The following WWOX variants were observed in gnomAD, a reference collection of about 807,000 sequenced individuals.
WWOX encodes the protein WW domain containing oxidoreductase.
Under a neutral mutation model 46.2 loss-of-function variants are expected in WWOX, and 69 were observed. The observed-to-expected ratio is 1.49, with a 90% CI of 1.23 to 1.82. The LOEUF (loss-of-function observed/expected upper bound fraction) is 1.82. Ranked by LOEUF, WWOX falls within the 40% of genes most tolerant of loss-of-function variation. WWOX has a pLI of 0.00. For synonymous variants in WWOX, 359 were observed against 202.6 expected (o/e 1.77, Z -6.56); for missense variants, 919 against 542.6 (o/e 1.69, Z -6.89).
chr16:78,542,018 C>CAAAAAAAAAAAAAAAAAAAAAA lies in WWOX; in HGVS notation c.1056+109273_1056+109294dup, dbSNP rs548366256. 9.8e-5 allele frequency among the ~76,000 whole-genome samples: 4 copies of CAAAAAAAAAAAAAAAAAAAAAA among 40,642 alleles called. 2 individuals are homozygous for CAAAAAAAAAAAAAAAAAAAAAA. Among genetic ancestry groups the CAAAAAAAAAAAAAAAAAAAAAA allele is most frequent in the East Asian group, 2.0e-3 (2 of 982 alleles). The allele number at this position is 40,642 out of a possible 152,430, so 26.7% of individuals were successfully genotyped here. ...GAGGGTTTCTTTCAACAGAGTATAC[C>CAAAAAAAAAAAAAAAAAAAAAA]AAAAAAAAAAAAAAAAAAAAAAAAA... On this transcript the variant is annotated intron_variant, in intron 8 of 8. Coordinates refer to ENST00000566780, the MANE Select transcript of WWOX (RefSeq NM_016373.4).
At chr16:78,451,967 G>A (rs758344043) in intron 8 of WWOX, among the ~76,000 whole-genome samples, 1 of 152,066 alleles carries the variant, frequency 6.6e-6, no homozygotes. Flanking sequence ...CTTTTTTCAG[G>A]TCATATTAAT....
chr16:78,592,345 C>T (rs377003408), intron 8 of WWOX, among the ~76,000 whole-genome samples: 1 of 152,316 alleles, frequency 6.6e-6, no homozygotes, highest in Non-Finnish European at 1.5e-5. Flanking sequence ...AATAAACATT[C>T]AAGCAGTCAC....
intron 5 of WWOX, among the ~76,000 whole-genome samples, chr16:78,322,596 C>G (rs1454022392): frequency 6.6e-6 from 1 of 152,208 alleles, no homozygotes; most frequent in African/African-American, 2.4e-5. Flanking sequence ...AATTCAAACC[C>G]AGGTAGACCT....
chr16:78,519,490 AATATAT>A (rs375221050), intron 8 of WWOX, among the ~76,000 whole-genome samples: 10 of 149,422 alleles, frequency 6.7e-5, no homozygotes, highest in Admixed American at 2.7e-4. Context: ...ACATCTATGA[AATATAT>A]ATATATATAT....
intron 8 of WWOX, among the ~76,000 whole-genome samples, chr16:78,974,653 C>G (rs1034640247): frequency 2.6e-5 from 4 of 152,230 alleles, no homozygotes; most frequent in South Asian, 2.1e-4. Flanking sequence ...ATGCAACTGT[C>G]TGTCCTGAAG....
At chr16:79,148,685 A>G (rs9921694) in intron 8 of WWOX, among the ~76,000 whole-genome samples, 48,325 of 151,972 alleles carry the variant, frequency 0.32, 7,858 homozygotes, top group East Asian at 0.48. Flanking sequence ...CATCTTTACT[A>G]TGTTGAGTCT....
At chr16:78,524,116 C>G (rs1037486919) in intron 8 of WWOX, among the ~76,000 whole-genome samples, 1 of 152,158 alleles carries the variant, frequency 6.6e-6, no homozygotes, top group Non-Finnish European at 1.5e-5. Flanking sequence ...AGTCGGCAAA[C>G]ATCACTTTGT....
chr16:78,747,795 A>C (rs564858466), intron 8 of WWOX, among the ~76,000 whole-genome samples: 1 of 152,212 alleles, frequency 6.6e-6, no homozygotes, highest in Non-Finnish European at 1.5e-5. Flanking sequence ...GGATTGCTCA[A>C]CATACCAGAG....
intron 8 of WWOX, among the ~76,000 whole-genome samples, chr16:78,969,681 A>G (rs972688586): frequency 1.3e-5 from 2 of 149,852 alleles, no homozygotes; most frequent in African/African-American, 2.5e-5. Flanking sequence ...TAAAGAAGAG[A>G]AAAGAAAAGA....
chr16:78,962,360 A>G (rs1038439573), intron 8 of WWOX, among the ~76,000 whole-genome samples: 1 of 133,300 alleles, frequency 7.5e-6, no homozygotes, highest in South Asian at 2.7e-4. Context: ...GTGATTGTGA[A>G]GGAAGCAAGA....
intron 8 of WWOX, among the ~76,000 whole-genome samples, chr16:78,855,133 T>G (rs749857129): frequency 5.9e-5 from 9 of 152,204 alleles, no homozygotes; most frequent in Non-Finnish European, 1.3e-4. Flanking sequence ...TTAAATCTCT[T>G]TCTGTTAATT....
At chr16:78,871,131 A>G (rs2044118816) in intron 8 of WWOX, among the ~76,000 whole-genome samples, 1 of 151,742 alleles carries the variant, frequency 6.6e-6, no homozygotes, top group Non-Finnish European at 1.5e-5. Flanking sequence ...AACAAATGGC[A>G]TTCTACATTG....
intron 8 of WWOX, among the ~76,000 whole-genome samples, chr16:78,735,540 A>C (rs1412417726): frequency 6.6e-6 from 1 of 152,164 alleles, no homozygotes; most frequent in Non-Finnish European, 1.5e-5. Context: ...TTCCTGTTTT[A>C]TACTCAGCCA....
intron 8 of WWOX, among the ~76,000 whole-genome samples, chr16:78,857,243 G>T (rs183633840): frequency 1.1e-4 from 17 of 152,202 alleles, no homozygotes; most frequent in Admixed American, 6.5e-4. Flanking sequence ...TCATTGAAAA[G>T]AATTGGCAAA....
At chr16:78,679,282 G>A (rs1375371942) in intron 8 of WWOX, among the ~76,000 whole-genome samples, 1 of 152,228 alleles carries the variant, frequency 6.6e-6, no homozygotes, top group Non-Finnish European at 1.5e-5. Context: ...TGGGTGCAGT[G>A]GGTTGCGCCT....
rs575161153 is a variant in WWOX, at chr16:78,349,770, G to A, written c.517-37090G>A. Among the ~76,000 whole-genome samples, 7 of 121,022 alleles carry A rather than the reference G, an allele frequency of 5.8e-5. 3 individuals are homozygous for A. Among genetic ancestry groups the A allele is most frequent in the South Asian group, 2.5e-4 (1 of 4,058 alleles). The allele number at this position is 121,022 out of a possible 152,430, so 79.4% of individuals were successfully genotyped here. The stretch of plus-strand genomic sequence containing the variant: ...CACCGATGAAACAGCAATGCCTTGC[G>A]GTGACAAATTCAGTGTAGAAATAAT... On this transcript the variant is annotated intron_variant, in intron 5 of 8. Coordinates refer to ENST00000566780, the MANE Select transcript of WWOX (RefSeq NM_016373.4).
chr16:79,161,633 C>T (rs374500238), intron 8 of WWOX, among the ~76,000 whole-genome samples: 2 of 152,148 alleles, frequency 1.3e-5, no homozygotes, highest in African/African-American at 4.8e-5. Flanking sequence ...AGCGATTCCC[C>T]TGCCTCAGCT....
intron 8 of WWOX, among the ~76,000 whole-genome samples, chr16:79,082,106 T>A (rs2048771202): frequency 6.6e-6 from 1 of 152,200 alleles, no homozygotes; most frequent in Non-Finnish European, 1.5e-5. Flanking sequence ...ACTACATCCT[T>A]GAGCCTAGAA....
At chr16:78,725,408 T>A (rs1404890602) in intron 8 of WWOX, among the ~76,000 whole-genome samples, 1 of 134,964 alleles carries the variant, frequency 7.4e-6, no homozygotes, top group East Asian at 2.3e-4. Context: ...AGTGCAGTGG[T>A]GCAATCTGGG....
Sources: gnomAD v4.1 joint callset for allele counts (sites outside exome capture counted in the v4.1 genomes callset) on GRCh38, gnomAD v4.1.1 for gene constraint, MANE v1.5 for transcripts, NCBI Gene and HGNC (gene_info 2026-07-23, HGNC 2026-07-21) for gene names.